The following EPHA6 variants were observed in gnomAD, a reference collection of about 807,000 sequenced individuals.
EPHA6 encodes the protein EPH receptor A6, also known as ephrin type-A receptor 6.
EPHA6 carries 50 observed loss-of-function variants against 112.0 expected under a neutral mutation model. That is an observed-to-expected ratio of 0.45 (90% CI 0.36 to 0.56). The LOEUF (loss-of-function observed/expected upper bound fraction) is 0.56. Ranked by LOEUF, EPHA6 falls within the 20% of genes least tolerant of loss-of-function variation. The pLI, the probability that EPHA6 is intolerant of heterozygous loss-of-function variation, is 0.00. For missense variants in EPHA6, 1,280 were observed against 1,417.4 expected, an observed-to-expected ratio of 0.90 and a Z score of 1.56; for synonymous variants, 529 against 490.7, an observed-to-expected ratio of 1.08 and a Z score of -1.03.
intron 2 of EPHA6, among the ~76,000 whole-genome samples, chr3:96,930,494 G>C (rs2040257030): frequency 6.6e-6 from 1 of 152,134 alleles, no homozygotes; most frequent in African/African-American, 2.4e-5. Flanking sequence ...TCTATACCAA[G>C]GTTGCCTTAG....
At position 97,359,030 on chromosome 3, in the gene EPHA6, CT is replaced by C. The variant is rs796076993; in HGVS notation, c.1607-46108del. On this transcript the variant is annotated intron_variant, in intron 5 of 17. Coordinates refer to ENST00000389672, the MANE Select transcript of EPHA6 (RefSeq NM_001080448.3). ...ATAATTATAATGTGCCTTGCTATGG[CT>C]TTTTTTTTTTTGAGTTCATCTTATT... is the stretch of plus-strand genomic sequence containing the variant. Among the ~76,000 whole-genome samples, 1,342 of 138,622 alleles carry C rather than the reference CT, an allele frequency of 9.7e-3. 8 individuals carry two copies. The highest frequency in any genetic ancestry group is 0.021 in the African/African-American group (811 of 38,202). The allele number at this position is 138,622 out of a possible 152,430, so 90.9% of individuals were successfully genotyped here.
rs574850777 is a variant in EPHA6, at chr3:97,256,495, T to C, written c.1606+12208T>C. On this transcript the variant is annotated intron_variant, in intron 5 of 17. Coordinates refer to ENST00000389672, the MANE Select transcript of EPHA6 (RefSeq NM_001080448.3). ...ATTCAACAACTAAGAAGACTAATTA[T>C]GTTTAGGATTTAAGCTAGCCAAACA... Among the ~76,000 whole-genome samples, 63 of 152,170 alleles carry C rather than the reference T, an allele frequency of 4.1e-4. 1 individual carries two copies. In the South Asian group the frequency reaches 0.011, roughly 26 times the overall value.
chr3:97,076,021 A>C (rs183677710), intron 3 of EPHA6, among the ~76,000 whole-genome samples: 94 of 152,162 alleles, frequency 6.2e-4, no homozygotes, highest in African/African-American at 2.1e-3. Flanking sequence ...CTATTCCCTG[A>C]GACACAACAC....
At chr3:97,425,815 T>C (rs28810397) in intron 6 of EPHA6, among the ~76,000 whole-genome samples, 9,540 of 152,186 alleles carry the variant, frequency 0.063, 896 homozygotes, top group African/African-American at 0.21. Flanking sequence ...AGAAATTTCT[T>C]CTACCAGATA....
intron 2 of EPHA6, among the ~76,000 whole-genome samples, chr3:96,886,388 A>G (rs1044704273): frequency 1.3e-5 from 2 of 152,216 alleles, no homozygotes; most frequent in South Asian, 4.1e-4. Context: ...TACGATTGTG[A>G]TATTTTCCTC....
At chr3:97,063,873 T>G (rs553961374) in intron 3 of EPHA6, among the ~76,000 whole-genome samples, 3 of 152,244 alleles carry the variant, frequency 2.0e-5, no homozygotes, top group Admixed American at 2.0e-4. Flanking sequence ...CAAGCTCAAT[T>G]TTTACAAAAC....
chr3:97,001,124 C>A (rs1216696792), intron 3 of EPHA6, among the ~76,000 whole-genome samples: 1 of 148,542 alleles, frequency 6.7e-6, no homozygotes, highest in Non-Finnish European at 1.5e-5. Context: ...TTTATAAATT[C>A]AAACCTTATT....
At chr3:96,978,137 G>A (rs150515293) in intron 2 of EPHA6, among the ~76,000 whole-genome samples, 2 of 152,240 alleles carry the variant, frequency 1.3e-5, no homozygotes, top group Non-Finnish European at 2.9e-5. Context: ...TCCAACCTGG[G>A]TAACAGAGTG....
At chr3:96,968,645 A>G (rs182179595) in intron 2 of EPHA6, among the ~76,000 whole-genome samples, 12 of 151,838 alleles carry the variant, frequency 7.9e-5, no homozygotes, top group African/African-American at 2.4e-4. Flanking sequence ...TATATTCCCA[A>G]TGTGACCTTA....
intron 3 of EPHA6, among the ~76,000 whole-genome samples, chr3:96,989,066 A>G (rs1043506573): frequency 3.3e-5 from 5 of 152,240 alleles, no homozygotes; most frequent in African/African-American, 7.2e-5. Context: ...CCTCTCAATG[A>G]TAACTTCTTA....
chr3:97,649,112 A>G (rs1337585098), intron 14 of EPHA6, among the ~76,000 whole-genome samples: 1 of 152,096 alleles, frequency 6.6e-6, no homozygotes, highest in African/African-American at 2.4e-5. Context: ...ATAAAGACAT[A>G]TCTGAGACTG....
intron 10 of EPHA6, among the ~76,000 whole-genome samples, chr3:97,528,983 G>A (rs1257028893): frequency 2.0e-5 from 3 of 152,082 alleles, no homozygotes; most frequent in Admixed American, 1.3e-4. Context: ...AGCAAGGTCT[G>A]CATTTCCATT....
chr3:97,295,050 T>C (rs576489636), intron 5 of EPHA6, among the ~76,000 whole-genome samples: 1 of 152,194 alleles, frequency 6.6e-6, no homozygotes, highest in Non-Finnish European at 1.5e-5. Flanking sequence ...TAATGTATCA[T>C]GTAGAAGACT....
At chr3:97,190,180 C>G (rs2077264486) in intron 3 of EPHA6, among the ~76,000 whole-genome samples, 1 of 152,110 alleles carries the variant, frequency 6.6e-6, no homozygotes, top group African/African-American at 2.4e-5. Context: ...CAGCAACCAC[C>G]CTTTACTTGT....
intron 3 of EPHA6, among the ~76,000 whole-genome samples, chr3:97,206,149 G>C (rs1430881618): frequency 2.0e-5 from 3 of 151,946 alleles, no homozygotes; most frequent in African/African-American, 7.2e-5. Flanking sequence ...TTTTTAAGTT[G>C]TTTATCTTTA....
Position 97,442,573 on chromosome 3 carries a change from A to AAGAG in EPHA6, c.1732-5981_1732-5978dup, listed in dbSNP as rs1038485605. Among the ~76,000 whole-genome samples, 2 of 150,976 alleles carry AAGAG rather than the reference A, an allele frequency of 1.3e-5. 1 individual carries two copies. The highest frequency in any genetic ancestry group is 3.0e-5 in the Non-Finnish European group (2 of 67,624). ...TGACAGGACGAGACTCTGCCTCAAA[A>AAGAG]AGAGAGAGAGAGAGAGACTGAAGAA... On this transcript the variant is annotated intron_variant, in intron 6 of 17. Coordinates refer to ENST00000389672, the MANE Select transcript of EPHA6 (RefSeq NM_001080448.3).
intron 3 of EPHA6, among the ~76,000 whole-genome samples, chr3:97,164,570 G>A (rs1011671303): frequency 6.6e-6 from 1 of 152,042 alleles, no homozygotes; most frequent in Middle Eastern, 3.4e-3. Flanking sequence ...ATTTAAAATT[G>A]TGAATTGGAA....
chr3:97,148,436 C>A (rs980453907), intron 3 of EPHA6, among the ~76,000 whole-genome samples: 8 of 152,032 alleles, frequency 5.3e-5, no homozygotes, highest in Admixed American at 5.3e-4. Flanking sequence ...CCACTGTATT[C>A]CAGCCTGGGC....
At chr3:96,989,237 A>G (rs139822852) in intron 3 of EPHA6, among the ~76,000 whole-genome samples, 3 of 152,290 alleles carry the variant, frequency 2.0e-5, no homozygotes, top group African/African-American at 7.2e-5. Context: ...TTCTGTTTAT[A>G]AAACACTTGG....
Sources: allele counts gnomAD v4.1 joint callset (sites outside exome capture counted in the v4.1 genomes callset), GRCh38; gene constraint gnomAD v4.1.1; transcripts MANE v1.5; gene names NCBI Gene and HGNC (gene_info 2026-07-23, HGNC 2026-07-21).